The following LARGE1 variants were observed in gnomAD, a reference collection of about 807,000 sequenced individuals.
The protein encoded by LARGE1 is xylosyl- and glucuronyltransferase LARGE1.
Under a neutral mutation model 87.6 loss-of-function variants are expected in LARGE1, and 43 were observed. The ratio of observed to expected loss-of-function variants is 0.49; its 90% CI spans 0.38 to 0.63. LARGE1 has a LOEUF of 0.63. Ranked by LOEUF, LARGE1 falls within the 30% of genes least tolerant of loss-of-function variation. LARGE1 has a pLI of 0.00. For synonymous variants in LARGE1, 434 were observed against 394.6 expected, an observed-to-expected ratio of 1.10 and a Z score of -1.18; for missense variants, 802 against 1,000.2, an observed-to-expected ratio of 0.80 and a Z score of 2.67.
chr22:33,072,196 C>T, the LARGE1 span, among the ~76,000 whole-genome samples: 1 of 152,052 alleles, frequency 6.6e-6, no homozygotes, highest in Non-Finnish European at 1.5e-5. Flanking sequence ...TGAGGCAAAA[C>T]ATATTTCTGT....
intron 11 of LARGE1, among the ~76,000 whole-genome samples, chr22:33,266,366 C>A (rs1389636114): frequency 6.6e-6 from 1 of 151,144 alleles, no homozygotes; most frequent in Non-Finnish European, 1.5e-5. Flanking sequence ...GGACTACAGG[C>A]ACTCGCCACC....
At chr22:33,092,367 G>C in the LARGE1 span, among the ~76,000 whole-genome samples, 1 of 152,110 alleles carries the variant, frequency 6.6e-6, no homozygotes, top group Non-Finnish European at 1.5e-5. Context: ...AGTCCTATGG[G>C]GAGGAGCGGT....
intron 1 of LARGE1, among the ~76,000 whole-genome samples, chr22:33,871,206 A>G (rs1472986599): frequency 1.3e-5 from 2 of 152,250 alleles, no homozygotes; most frequent in Non-Finnish European, 2.9e-5. Context: ...ACGTATATTT[A>G]TATTCATTTT....
intron 4 of LARGE1, among the ~76,000 whole-genome samples, chr22:33,625,959 G>A (rs977511193): frequency 2.0e-5 from 3 of 152,188 alleles, no homozygotes; most frequent in African/African-American, 7.2e-5. Flanking sequence ...GTAAATGCTA[G>A]GCAGGGGAAG....
chr22:33,397,361 C>T (rs376620521), intron 7 of LARGE1, among the ~76,000 whole-genome samples: 8 of 152,132 alleles, frequency 5.3e-5, no homozygotes, highest in African/African-American at 1.9e-4. Context: ...CTGATCCTAC[C>T]GCCTTGGCCT....
intron 4 of LARGE1, among the ~76,000 whole-genome samples, chr22:33,621,054 G>C (rs893566677): frequency 2.0e-5 from 3 of 152,192 alleles, no homozygotes; most frequent in African/African-American, 7.2e-5. Flanking sequence ...ATAGGCATGT[G>C]TGTGTATACT....
At chr22:33,122,454 G>GCAGAGA in the LARGE1 span, among the ~76,000 whole-genome samples, 1 of 151,316 alleles carries the variant, frequency 6.6e-6, no homozygotes, top group Non-Finnish European at 1.5e-5. Flanking sequence ...TGCCTCCCGG[G>GCAGAGA]TTCAAGCGAT....
At position 33,409,385 on chromosome 22, in the gene LARGE1, T is replaced by C. The variant is rs111948218; in HGVS notation, c.892+22776A>G. Among the ~76,000 whole-genome samples the C allele has an allele frequency of 9.6e-3, 1,464 of 152,096 alleles. 27 individuals are homozygous for C. Among genetic ancestry groups the C allele is most frequent in the African/African-American group, 0.033 (1,364 of 41,496 alleles). On this transcript the variant is annotated intron_variant, in intron 7 of 14. Transcript: ENST00000397394. ...TAGCAGGTCAGGATCCAGGCAACAA[T>C]AGGGATGTAAATAAGCCACTGATGG...
intron 1 of LARGE1, among the ~76,000 whole-genome samples, chr22:33,791,713 T>G (rs2085829548): frequency 6.6e-6 from 1 of 152,206 alleles, no homozygotes; most frequent in African/African-American, 2.4e-5. Flanking sequence ...TTATAGACTT[T>G]CATTATGGAA....
chr22:33,364,681 A>AT (rs1170610717), intron 9 of LARGE1, among the ~76,000 whole-genome samples: 1 of 152,200 alleles, frequency 6.6e-6, no homozygotes, highest in East Asian at 1.9e-4. Context: ...GTCACTAAGC[A>AT]TAATGTCCTC....
intron 11 of LARGE1, among the ~76,000 whole-genome samples, chr22:33,254,330 A>G (rs1927152390): frequency 1.3e-5 from 2 of 152,288 alleles, no homozygotes; most frequent in African/African-American, 4.8e-5. Context: ...GGGGACAAAA[A>G]CTAGGACAGC....
chr22:33,304,202 G>A (rs747809599), intron 12 of LARGE1, 27 bp downstream of exon 12: 5 of 1,613,306 alleles, frequency 3.1e-6, no homozygotes, highest in African/African-American at 1.3e-5. Context: ...CTTCTGGCCT[G>A]ATGGCCAGGC....
intron 7 of LARGE1, among the ~76,000 whole-genome samples, chr22:33,391,990 C>T (rs1383476213): frequency 6.6e-6 from 1 of 151,784 alleles, no homozygotes; most frequent in East Asian, 1.9e-4. Context: ...AGGCTGCTCT[C>T]GAACTCCTGA....
At chr22:33,130,340 A>AAAAAAAAAAAAAAAAAAC in the LARGE1 span, among the ~76,000 whole-genome samples, 1 of 137,504 alleles carries the variant, frequency 7.3e-6, no homozygotes, top group Admixed American at 7.6e-5. Context: ...AAAAAAAAAA[A>AAAAAAAAAAAAAAAAAAC]ATTAGCAGGC....
At chr22:33,707,181 G>T (rs747654998) in intron 2 of LARGE1, among the ~76,000 whole-genome samples, 94 of 152,164 alleles carry the variant, frequency 6.2e-4, no homozygotes, top group African/African-American at 2.2e-3. Flanking sequence ...GGGAAAACAT[G>T]CTGGCTTCCC....
intron 9 of LARGE1, among the ~76,000 whole-genome samples, chr22:33,362,650 A>C (rs1569094749): frequency 6.7e-6 from 1 of 149,976 alleles, no homozygotes; most frequent in Non-Finnish European, 1.5e-5. Context: ...GTGTTTTTCT[A>C]TCTTGTGTTT....
chr22:33,226,931 G>A (rs754202942), intron 11 of LARGE1, among the ~76,000 whole-genome samples: 5 of 151,952 alleles, frequency 3.3e-5, no homozygotes, highest in Non-Finnish European at 7.4e-5. Flanking sequence ...GGGTTTCACC[G>A]TGTTAGCCAA....
chr22:33,752,037 C>T (rs1200799911), intron 2 of LARGE1, among the ~76,000 whole-genome samples: 1 of 152,198 alleles, frequency 6.6e-6, no homozygotes, highest in Admixed American at 6.5e-5. Flanking sequence ...CTGCCTTGGC[C>T]TCCCAAAGTG....
intron 10 of LARGE1, among the ~76,000 whole-genome samples, chr22:33,325,465 G>A (rs188393892): frequency 3.2e-4 from 48 of 152,300 alleles, no homozygotes; most frequent in Non-Finnish European, 6.2e-4. Flanking sequence ...AGCAGGCTGG[G>A]GTTCTGTGGA....
Sources: gnomAD v4.1 joint callset for allele counts (sites outside exome capture counted in the v4.1 genomes callset) on GRCh38, gnomAD v4.1.1 for gene constraint, MANE v1.5 for transcripts, NCBI Gene and HGNC (gene_info 2026-07-23, HGNC 2026-07-21) for gene names.